Variants in FAF2 observed in about 807,000 individuals in gnomAD.
The protein encoded by FAF2 is FAS-associated factor 2.
FAF2 carries 9 observed loss-of-function variants against 62.3 expected under a neutral mutation model. The ratio of observed to expected loss-of-function variants is 0.14; its 90% CI spans 0.09 to 0.25. The LOEUF (loss-of-function observed/expected upper bound fraction) is 0.25. Among genes scored for constraint, FAF2 ranks in the 10% least tolerant of loss-of-function variants. The pLI, the probability that FAF2 is intolerant of heterozygous loss-of-function variation, is 1.00. For missense variants in FAF2, 368 were observed against 556.2 expected, an observed-to-expected ratio of 0.66 and a Z score of 3.40; for synonymous variants, 202 against 198.0, an observed-to-expected ratio of 1.02 and a Z score of -0.17.
At chr5:176,503,510 G>A (rs1280285902) in intron 10 of FAF2, among the ~76,000 whole-genome samples, 1 of 150,446 alleles carries the variant, frequency 6.6e-6, no homozygotes, top group Non-Finnish European at 1.5e-5. Flanking sequence ...AATGGAGATC[G>A]TGCTATTGCA....
chr5:176,479,483 TA>T (rs1480003916), intron 2 of FAF2, among the ~76,000 whole-genome samples: 3 of 152,198 alleles, frequency 2.0e-5, no homozygotes, highest in African/African-American at 7.2e-5. Context: ...TGTTTGTTAG[TA>T]TCTTGTTGGG....
intron 1 of FAF2, among the ~76,000 whole-genome samples, chr5:176,455,379 G>T (rs2113715286): frequency 6.6e-6 from 1 of 152,286 alleles, no homozygotes; most frequent in East Asian, 1.9e-4. Context: ...AGCCTAGGAG[G>T]TGAAGGCTGC....
intron 5 of FAF2, among the ~76,000 whole-genome samples, chr5:176,492,922 T>C (rs1020221097): frequency 2.0e-5 from 3 of 152,232 alleles, no homozygotes; most frequent in Admixed American, 6.5e-5. Context: ...TCTCACAGAA[T>C]TGAATAAGGA....
At chr5:176,506,636 T>C in intron 10 of FAF2, 132 bp from the exon 11 acceptor site, 1 of 692,784 alleles carries the variant, frequency 1.4e-6, no homozygotes, top group South Asian at 2.2e-5. Flanking sequence ...TGTAATGTGA[T>C]TCTTTCCTAT....
chr5:176,505,904 C>T (rs1288052155), intron 10 of FAF2, among the ~76,000 whole-genome samples: 2 of 152,054 alleles, frequency 1.3e-5, no homozygotes, highest in East Asian at 3.9e-4. Flanking sequence ...CACGGTGGCT[C>T]ACGCCTGTAA....
chr5:176,463,913 A>G (rs1758422916), intron 1 of FAF2, among the ~76,000 whole-genome samples: 1 of 151,960 alleles, frequency 6.6e-6, no homozygotes, highest in Non-Finnish European at 1.5e-5. Context: ...TAGTTTTAGT[A>G]GAGACGGGGT....
intron 5 of FAF2, 110 bp from the exon 6 acceptor site, chr5:176,493,889 A>T: frequency 1.4e-6 from 1 of 726,236 alleles, no homozygotes. Flanking sequence ...TTTTTTCCTT[A>T]TTTTTCCTTT....
intron 1 of FAF2, among the ~76,000 whole-genome samples, chr5:176,448,911 CTG>C (rs1187436056): frequency 6.6e-6 from 1 of 152,200 alleles, no homozygotes; most frequent in East Asian, 1.9e-4. Flanking sequence ...CTCCCACAAA[CTG>C]GGGCCTCTTG....
At chr5:176,503,932 C>T (rs1412519179) in intron 10 of FAF2, among the ~76,000 whole-genome samples, 1 of 151,956 alleles carries the variant, frequency 6.6e-6, no homozygotes, top group African/African-American at 2.4e-5. Context: ...GATGCCAAGG[C>T]AGGCGGATCA....
intron 5 of FAF2, 73 bp from the exon 6 acceptor site, chr5:176,493,926 T>C: frequency 2.0e-6 from 2 of 999,686 alleles, no homozygotes; most frequent in Middle Eastern, 4.3e-4. Context: ...ACTGTATCCA[T>C]TAGGACCCTT....
intron 1 of FAF2, among the ~76,000 whole-genome samples, chr5:176,470,660 G>C (rs1758550649): frequency 1.3e-5 from 2 of 152,194 alleles, no homozygotes; most frequent in African/African-American, 2.4e-5. Flanking sequence ...AAAACTGATA[G>C]AAAACCCAGG....
intron 1 of FAF2, among the ~76,000 whole-genome samples, chr5:176,478,843 C>A (rs1448828266): frequency 1.3e-5 from 2 of 152,186 alleles, no homozygotes; most frequent in African/African-American, 2.4e-5. Flanking sequence ...CCTGTACTAT[C>A]AACAGAATAG....
intron 1 of FAF2, among the ~76,000 whole-genome samples, chr5:176,458,864 C>T (rs1758325940): frequency 6.6e-6 from 1 of 152,078 alleles, no homozygotes; most frequent in African/African-American, 2.4e-5. Flanking sequence ...ACATGTTATT[C>T]CTTCTCATGC....
In FAF2 at chr5:176,509,990, G is replaced by T. The variant is rs1755750168; in HGVS notation, c.*3040G>T. 1 of 152,662 alleles carries T rather than the reference G, an allele frequency of 6.6e-6. No individual in the cohort carries two copies. The highest frequency in any genetic ancestry group is 1.5e-5 in the Non-Finnish European group (1 of 68,040). The allele number at this position is 152,662 out of a possible 1,614,324, so 9.5% of individuals were successfully genotyped here. On this transcript the variant is annotated 3_prime_UTR_variant, in exon 11 of 11. Transcript: ENST00000261942. ...AATAGTCATGTGATAATTTACTGAA[G>T]AAATCTAGTGTACTTTAAATTTTTT...
intron 1 of FAF2, among the ~76,000 whole-genome samples, chr5:176,464,422 A>T (rs1758430271): frequency 6.6e-6 from 1 of 151,698 alleles, no homozygotes. Flanking sequence ...TTTAAGATTA[A>T]GATATGGTTA....
rs373485977 is a variant in FAF2, at chr5:176,485,714, C to T, written c.133-641C>T. 3.2e-3 allele frequency among the ~76,000 whole-genome samples: 489 copies of T among 152,260 alleles called. 1 individual carries two copies. Among genetic ancestry groups the T allele is most frequent in the Middle Eastern group, 0.01 (3 of 294 alleles). Reference sequence around the variant, plus strand: ...TTTTGCACATGAGGAAACTGAGGCTCATATGTTTTTTTCTTCTTTATTTTT... The same window carrying T: ...TTTTGCACATGAGGAAACTGAGGCTTATATGTTTTTTTCTTCTTTATTTTT... On this transcript the variant is annotated intron_variant, in intron 2 of 10. Coordinates refer to ENST00000261942, the MANE Select transcript of FAF2 (RefSeq NM_014613.3).
chr5:176,454,577 GAAAA>G (rs56324116), intron 1 of FAF2, among the ~76,000 whole-genome samples: 95 of 95,186 alleles, frequency 1.0e-3, no homozygotes, highest in African/African-American at 3.6e-3. Flanking sequence ...GATTCTGTCT[GAAAA>G]AAAAAAAAAA....
chr5:176,490,988 G>A (rs1224530316), intron 4 of FAF2, among the ~76,000 whole-genome samples: 2 of 152,096 alleles, frequency 1.3e-5, no homozygotes, highest in African/African-American at 2.4e-5. Context: ...GCTCTGGAAC[G>A]TTGTTGTCAA....
chr5:176,493,498 C>T (rs1759011131), intron 5 of FAF2, among the ~76,000 whole-genome samples: 1 of 152,338 alleles, frequency 6.6e-6, no homozygotes, highest in African/African-American at 2.4e-5. Context: ...TCTTTTACAC[C>T]CTATGCTCTT....
Sources: allele counts gnomAD v4.1 joint callset (sites outside exome capture counted in the v4.1 genomes callset), GRCh38; gene constraint gnomAD v4.1.1; transcripts MANE v1.5; gene names NCBI Gene and HGNC (gene_info 2026-07-23, HGNC 2026-07-21).